Variants in MCUB observed in about 807,000 individuals in gnomAD.
MCUB encodes mitochondrial calcium uniporter dominant negative subunit beta.
In MCUB, 46 loss-of-function variants were observed where a neutral mutation model predicts 41.4. The ratio of observed to expected loss-of-function variants is 1.11; its 90% CI spans 0.88 to 1.42. The LOEUF (loss-of-function observed/expected upper bound fraction) is 1.42, where lower values mean the gene tolerates loss of function less well. MCUB is among the 40% of genes most tolerant of loss of function. The pLI is 0.00. For missense variants in MCUB, 403 were observed against 404.9 expected, an observed-to-expected ratio of 1.00 and a Z score of 0.04; for synonymous variants, 148 against 148.2, an observed-to-expected ratio of 1.00 and a Z score of 0.01.
At chr4:109,571,028 A>T (rs1260486956) in intron 1 of MCUB, among the ~76,000 whole-genome samples, 1 of 152,230 alleles carries the variant, frequency 6.6e-6, no homozygotes, top group East Asian at 1.9e-4. Context: ...TGCATTTCCT[A>T]TGAGAGAAGT....
chr4:109,609,828 A>G (rs891650104), intron 1 of MCUB, among the ~76,000 whole-genome samples: 1 of 152,156 alleles, frequency 6.6e-6, no homozygotes, highest in African/African-American at 2.4e-5. Context: ...GCAGGTGGCA[A>G]GGCCAGCCAG....
intron 1 of MCUB, among the ~76,000 whole-genome samples, chr4:109,626,999 G>C (rs551166113): frequency 1.1e-4 from 17 of 152,172 alleles, no homozygotes; most frequent in African/African-American, 3.9e-4. Context: ...ACATTAAGGG[G>C]TAAATAGAAC....
intron 1 of MCUB, among the ~76,000 whole-genome samples, chr4:109,647,329 G>A (rs1728860781): frequency 6.6e-6 from 1 of 152,132 alleles, no homozygotes; most frequent in South Asian, 2.1e-4. Context: ...AATCCTCTGT[G>A]CTCTGTTCAT....
At chr4:109,607,098 A>G (rs1281829845) in intron 1 of MCUB, among the ~76,000 whole-genome samples, 1 of 152,134 alleles carries the variant, frequency 6.6e-6, no homozygotes, top group Non-Finnish European at 1.5e-5. Context: ...GCCTAAGATA[A>G]GAATAGTCTA....
intron 1 of MCUB, among the ~76,000 whole-genome samples, chr4:109,630,144 CT>C (rs1363271821): frequency 9.8e-6 from 1 of 101,528 alleles, no homozygotes; most frequent in Non-Finnish European, 2.2e-5. Context: ...AACATAGCTG[CT>C]TTTTTTCTTT....
At chr4:109,590,541 T>G (rs1727412424) in intron 1 of MCUB, among the ~76,000 whole-genome samples, 1 of 152,264 alleles carries the variant, frequency 6.6e-6, no homozygotes, top group Non-Finnish European at 1.5e-5. Context: ...TGTGCATACA[T>G]TACAAGTCAA....
At chr4:109,665,217 G>T (rs1424574258) in intron 4 of MCUB, among the ~76,000 whole-genome samples, 2 of 152,294 alleles carry the variant, frequency 1.3e-5, no homozygotes, top group African/African-American at 4.8e-5. Context: ...TGTACATAAT[G>T]TAAATAATCA....
chr4:109,662,050 C>T (rs1440092484), intron 3 of MCUB, among the ~76,000 whole-genome samples: 1 of 152,114 alleles, frequency 6.6e-6, no homozygotes, highest in African/African-American at 2.4e-5. Context: ...GCCTACTACA[C>T]AGTGACCGCA....
chr4:109,635,638 G>A (rs1282844301), intron 1 of MCUB, among the ~76,000 whole-genome samples: 1 of 152,106 alleles, frequency 6.6e-6, no homozygotes, highest in Non-Finnish European at 1.5e-5. Context: ...CCCCACTTGG[G>A]GTCTTCTCTT....
chr4:109,640,397 G>A (rs1207087065), intron 1 of MCUB, among the ~76,000 whole-genome samples: 1 of 152,188 alleles, frequency 6.6e-6, no homozygotes, highest in African/African-American at 2.4e-5. Flanking sequence ...TTCCTCTCTA[G>A]CTATGAAAGT....
chr4:109,605,308 T>C (rs1727844730), intron 1 of MCUB, among the ~76,000 whole-genome samples: 1 of 151,478 alleles, frequency 6.6e-6, no homozygotes, highest in Non-Finnish European at 1.5e-5. Context: ...CAGGAGCATA[T>C]TGTTTATTGT....
rs143021236 is a variant in MCUB, at chr4:109,585,250, T to A, written c.99+24814T>A. ...CTTTGCTGGTTTAAAGTCTGTTTTA[T>A]CAGAGACTAGGATTGCAACCCCTAC... is the stretch of plus-strand genomic sequence containing the variant. On this transcript the variant is annotated intron_variant, in intron 1 of 7. Coordinates refer to ENST00000394650, the MANE Select transcript of MCUB (RefSeq NM_017918.5). Among the ~76,000 whole-genome samples, 683 of 152,320 alleles carry A rather than the reference T, an allele frequency of 4.5e-3. 4 individuals carry two copies. The highest frequency in any genetic ancestry group is 0.014 in the Middle Eastern group (4 of 294).
chr4:109,657,218 CAAAAAAA>C (rs56707630), intron 1 of MCUB, among the ~76,000 whole-genome samples: 3 of 111,410 alleles, frequency 2.7e-5, no homozygotes, highest in Admixed American at 9.2e-5. Flanking sequence ...TATTCCATCT[CAAAAAAA>C]AAAAAAAAAA....
chr4:109,612,271 T>G (rs1264306351), intron 1 of MCUB, among the ~76,000 whole-genome samples: 1 of 146,796 alleles, frequency 6.8e-6, no homozygotes, highest in East Asian at 2.0e-4. Context: ...TTCTTTTTTT[T>G]TTTTTTTTTT....
intron 4 of MCUB, among the ~76,000 whole-genome samples, chr4:109,682,174 A>T (rs897022549): frequency 6.6e-6 from 1 of 152,260 alleles, no homozygotes; most frequent in Non-Finnish European, 1.5e-5. Context: ...TAGGAAATCC[A>T]GCTAGTTCTG....
At chr4:109,584,307 A>G (rs1488501589) in intron 1 of MCUB, among the ~76,000 whole-genome samples, 1 of 152,016 alleles carries the variant, frequency 6.6e-6, no homozygotes, top group African/African-American at 2.4e-5. Context: ...CCCCTTTATC[A>G]TTTTTTATTG....
At chr4:109,666,811 C>T (rs1729355509) in intron 4 of MCUB, among the ~76,000 whole-genome samples, 2 of 152,086 alleles carry the variant, frequency 1.3e-5, no homozygotes, top group African/African-American at 4.8e-5. Context: ...AATTGGTGTT[C>T]AATTTTGTCA....
At chr4:109,566,342 C>T (rs1307041926) in intron 1 of MCUB, among the ~76,000 whole-genome samples, 1 of 151,240 alleles carries the variant, frequency 6.6e-6, no homozygotes, top group Non-Finnish European at 1.5e-5. Flanking sequence ...TGGTGGCGGG[C>T]GCCTGTAGTC....
intron 1 of MCUB, among the ~76,000 whole-genome samples, chr4:109,617,009 T>A (rs1009939323): frequency 1.3e-5 from 2 of 152,054 alleles, no homozygotes; most frequent in African/African-American, 2.4e-5. Flanking sequence ...GTTATGTTAG[T>A]CACCATTCTT....
Sources: allele counts gnomAD v4.1 joint callset (sites outside exome capture counted in the v4.1 genomes callset), GRCh38; gene constraint gnomAD v4.1.1; transcripts MANE v1.5; gene names NCBI Gene and HGNC (gene_info 2026-07-23, HGNC 2026-07-21).